The following ECI2 variants were observed in gnomAD, a reference collection of about 807,000 sequenced individuals.
The protein encoded by ECI2 is D3,D2-enoyl-CoA isomerase.
Under a neutral mutation model 38.4 loss-of-function variants are expected in ECI2, and 27 were observed. That is an observed-to-expected ratio of 0.70 (90% CI 0.52 to 0.97). The LOEUF is 0.97. Among genes scored for constraint, ECI2 ranks in the 50% least tolerant of loss-of-function variants. The pLI is 0.00. For synonymous variants in ECI2, 168 were observed against 172.0 expected (o/e 0.98, Z 0.18); for missense variants, 470 against 474.4 (o/e 0.99, Z 0.09).
chr6:4,121,634 G>A (rs1038755198), intron 7 of ECI2, among the ~76,000 whole-genome samples: 2 of 149,180 alleles, frequency 1.3e-5, no homozygotes, highest in African/African-American at 2.5e-5. Flanking sequence ...GGTTTTTTTG[G>A]TTGGCTTTAA....
intron 1 of ECI2, chr6:4,135,243 G>T: frequency 3.0e-6 from 3 of 1,016,688 alleles, no homozygotes; most frequent in Non-Finnish European, 4.4e-6. Context: ...GTGCGCGGAG[G>T]CAGGCGGAGA....
intron 7 of ECI2, among the ~76,000 whole-genome samples, chr6:4,123,699 G>A (rs950250285): frequency 6.6e-6 from 1 of 151,902 alleles, no homozygotes; most frequent in African/African-American, 2.4e-5. Context: ...AGGCTCAGTG[G>A]CTCACACCTG....
rs185191929 is a variant in ECI2 at position 4,133,460 on chromosome 6, A to C, written c.213+89T>G. 3.5e-4 allele frequency: 516 copies of C among 1,473,124 alleles called. 3 individuals carry two copies. In the African/African-American group the frequency reaches 6.8e-3, roughly 19 times the overall value. 91.3% of individuals were successfully genotyped at this position (1,473,124 alleles called of 1,614,324 possible). On this transcript the variant is annotated intron_variant, in intron 2 of 9. Coordinates refer to ENST00000380118, the MANE Select transcript of ECI2 (RefSeq NM_206836.3). ...GGGAGCAAGACAAACCAAAATGTTA[A>C]GGCCACATTTTAGTAAACACACAGT...
intron 7 of ECI2, among the ~76,000 whole-genome samples, chr6:4,119,869 A>G (rs1374883409): frequency 1.6e-5 from 2 of 128,398 alleles, no homozygotes; most frequent in African/African-American, 5.8e-5. Context: ...ACCCCCAAGC[A>G]ACTGCTAATC....
At position 4,127,789 on chromosome 6, in the gene ECI2, C is replaced by T; in HGVS notation, c.544G>A (p.Asp182Asn). 6.2e-7 allele frequency: 1 copy of T among 1,613,090 alleles called. No individual in the cohort carries two copies. The highest frequency in any genetic ancestry group is 8.5e-7 in the Non-Finnish European group (1 of 1,179,566). Residue 182 changes from aspartate (D) to asparagine (N), a missense_variant, in exon 5 of 10, where the codon GAT becomes AAT. Physicochemically the swap from Asp to Asn is conservative, Grantham distance 23 (BLOSUM62 1). Coordinates refer to ENST00000380118, the MANE Select transcript of ECI2 (RefSeq NM_206836.3). ...IMRALKAASK[D>N]DSIITVLTGN... ...GTTAAAACAGTGATGATTGAGTCAT[C>T]CTTGCTGGCAGCTTTAAGTGCACGC...
intron 7 of ECI2, among the ~76,000 whole-genome samples, chr6:4,119,810 C>G (rs1430428056): frequency 1.3e-5 from 2 of 152,164 alleles, no homozygotes; most frequent in South Asian, 2.1e-4. Flanking sequence ...AACATTTCAG[C>G]CACCCTGAAA....
rs1326919284 is a variant in ECI2, at chr6:4,127,840, T to C, written c.502-9A>G. On this transcript the variant is annotated splice_polypyrimidine_tract_variant and intron_variant, in intron 4 of 9. Transcript: ENST00000380118. ...ATAATTTCATGATACATCTGTGTAA[T>C]GGGAAGACAAGGAAAAGAAAAGAAC... The C allele has an allele frequency of 2.5e-6, 4 of 1,609,018 alleles. No individual in the cohort carries two copies. Among genetic ancestry groups the C allele is most frequent in the Non-Finnish European group, 3.4e-6 (4 of 1,178,158 alleles).
Position 4,125,321 on chromosome 6 carries a change from C to T in ECI2, c.724G>A (p.Val242Ile). 2 of 1,614,158 alleles carry T rather than the reference C, an allele frequency of 1.2e-6. No homozygotes were observed. The highest frequency in any genetic ancestry group is 1.3e-5 in the African/African-American group (1 of 75,046). ...IDFPKPLIAV[V>I]NGPAVGISVT... ...GAGATGCCCACAGCTGGACCATTGA[C>T]CACTGCAATCAGAGGCTTAGGAAAA... is the stretch of plus-strand genomic sequence containing the variant. The change falls in exon 7 of 10, where the codon GTC becomes ATC. Residue 242 changes from valine to isoleucine, a missense_variant. Physicochemically the swap from Val to Ile is conservative, Grantham distance 29. Transcript: ENST00000380118.
chr6:4,120,088 C>T (rs1772600802), intron 7 of ECI2, among the ~76,000 whole-genome samples: 1 of 152,172 alleles, frequency 6.6e-6, no homozygotes, highest in Admixed American at 6.5e-5. Context: ...GGTGTTGTTT[C>T]TAGCATTCAA....
At chr6:4,125,037 G>A in intron 7 of ECI2, 1 of 759,674 alleles carries the variant, frequency 1.3e-6, no homozygotes, top group Non-Finnish European at 2.2e-6. Context: ...AACAGTCAGA[G>A]TTGGAACAAT....
In ECI2 at chr6:4,133,694, C is replaced by A. The variant is rs1248814341; in HGVS notation, c.68G>T (p.Ser23Ile). ...CATGTGCAGCTGAACTACCGGGAAA[C>A]TAGTGACCTGCAGAGAACTACAATT... ...RSCPSSLQVT[S>I]FPVVQLHMNR... Residue 23 changes from serine to isoleucine, a missense_variant, in exon 2 of 10, where the codon AGT becomes ATT. By Grantham distance (142) the Ser-to-Ile change is moderately radical (BLOSUM62 -2). Coordinates refer to ENST00000380118, the MANE Select transcript of ECI2 (RefSeq NM_206836.3). The A allele has an allele frequency of 6.2e-7, 1 of 1,611,000 alleles. No homozygotes were observed. The highest frequency in any genetic ancestry group is 8.5e-7 in the Non-Finnish European group (1 of 1,179,010).
At chr6:4,127,878 A>C in intron 4 of ECI2, 47 bp from the exon 5 acceptor site, 1 of 1,557,556 alleles carries the variant, frequency 6.4e-7, no homozygotes, top group South Asian at 1.2e-5. Flanking sequence ...TGAACACAGG[A>C]ATCATCAATC....
At chr6:4,134,056 C>T (rs906228246) in intron 1 of ECI2, among the ~76,000 whole-genome samples, 4 of 152,150 alleles carry the variant, frequency 2.6e-5, no homozygotes, top group Non-Finnish European at 5.9e-5. Context: ...CAGCAGGAAA[C>T]CAAAAGGCTA....
At chr6:4,126,808 G>A (rs1298511117) in intron 5 of ECI2, among the ~76,000 whole-genome samples, 1 of 152,152 alleles carries the variant, frequency 6.6e-6, no homozygotes, top group Non-Finnish European at 1.5e-5. Flanking sequence ...CTGAGTGTGT[G>A]TGTTTAATTA....
chr6:4,125,816 T>G, intron 6 of ECI2: 1 of 456,550 alleles, frequency 2.2e-6, no homozygotes, highest in South Asian at 2.0e-5. Flanking sequence ...CATGGAAATC[T>G]CCCATTCCTC....
At chr6:4,117,064 A>G (rs553869524) in intron 9 of ECI2, among the ~76,000 whole-genome samples, 1 of 140,878 alleles carries the variant, frequency 7.1e-6, no homozygotes, top group South Asian at 2.2e-4. Context: ...TGCTCAAGTA[A>G]TCCCCATACA....
chr6:4,124,095 C>G (rs1772989467), intron 7 of ECI2, among the ~76,000 whole-genome samples: 1 of 152,158 alleles, frequency 6.6e-6, no homozygotes, highest in South Asian at 2.1e-4. Context: ...AGGTCAGGAA[C>G]CATTGACCCA....
At chr6:4,121,935 T>A (rs750658012) in intron 7 of ECI2, 1 of 1,516,354 alleles carries the variant, frequency 6.6e-7, no homozygotes, top group Non-Finnish European at 9.0e-7. Flanking sequence ...GTATCTTCTT[T>A]TTTTATCCAA....
rs55948893 is a variant in ECI2, at chr6:4,131,477, A to G, written c.214-612T>C. Among the ~76,000 whole-genome samples, 667 of 152,358 alleles carry G rather than the reference A, an allele frequency of 4.4e-3. 4 individuals are homozygous for G. The highest frequency in any genetic ancestry group is 0.015 in the African/African-American group (622 of 41,582). On this transcript the variant is annotated intron_variant, in intron 2 of 9. Transcript: ENST00000380118. ...TTGAGATGAATAAAATATCCCACTCAGCTACTTTTCAGAAATAGCAATTTA... is the reference window on the plus strand; with the variant it reads ...TTGAGATGAATAAAATATCCCACTCGGCTACTTTTCAGAAATAGCAATTTA...
Sources: gnomAD v4.1 joint callset for allele counts (sites outside exome capture counted in the v4.1 genomes callset) on GRCh38, gnomAD v4.1.1 for gene constraint, MANE v1.5 for transcripts, NCBI Gene and HGNC (gene_info 2026-07-23, HGNC 2026-07-21) for gene names.